L3MBTL1: variants seen among roughly 807,000 people sequenced by gnomAD.
L3MBTL1 encodes lethal(3)malignant brain tumor-like protein 1.
L3MBTL1 carries 75 observed loss-of-function variants against 105.3 expected under a neutral mutation model. That is an observed-to-expected ratio of 0.71 (90% CI 0.59 to 0.86). The LOEUF is 0.86. Among genes scored for constraint, L3MBTL1 ranks in the 40% least tolerant of loss-of-function variants. L3MBTL1 has a pLI of 0.00. For missense variants in L3MBTL1, 1,069 were observed against 1,126.4 expected (o/e 0.95, Z 0.73); for synonymous variants, 452 against 436.2 (o/e 1.04, Z -0.45).
intron 12 of L3MBTL1, 30 bp downstream of exon 12, chr20:43,532,954 G>T (rs768341982): frequency 6.8e-6 from 11 of 1,613,322 alleles, no homozygotes; most frequent in South Asian, 3.3e-5. Flanking sequence ...TTGGCCTCAG[G>T]GGGTGAGGGG....
chr20:43,537,951 G>A (rs1226528570), intron 19 of L3MBTL1, among the ~76,000 whole-genome samples: 1 of 152,168 alleles, frequency 6.6e-6, no homozygotes, highest in Non-Finnish European at 1.5e-5. Flanking sequence ...GTAAAATGCT[G>A]ATAATAATCG....
At chr20:43,546,423 G>T (rs1466929759), downstream of L3MBTL1, among the ~76,000 whole-genome samples, 1 of 152,106 alleles carries the variant, frequency 6.6e-6, no homozygotes, top group Non-Finnish European at 1.5e-5. Flanking sequence ...TCTGTAGCCT[G>T]TCTGCCTTGG....
In L3MBTL1 at chr20:43,535,875, C is replaced by G. The variant is rs376467003; in HGVS notation, c.1864C>G (p.Pro622Ala). The G allele has an allele frequency of 1.9e-6, 3 of 1,612,104 alleles. No individual in the cohort carries two copies. Among genetic ancestry groups the G allele is most frequent in the Non-Finnish European group, 2.5e-6 (3 of 1,179,132 alleles). ...EPSSASPGGC[P>A]PLSYRSLPHT... is the part of the protein sequence containing the mutation. ...CAGCTCTGCCTCCCCTGGGGGCTGT[C>G]CCCCTCTCAGCTATAGGAGCCTGCC... Residue 622 changes from proline (P) to alanine (A), a missense_variant, in exon 17 of 22, where the codon CCC (proline) becomes GCC (alanine). Physicochemically the swap from Pro to Ala is conservative, Grantham distance 27. Coordinates refer to ENST00000418998, the MANE Select transcript of L3MBTL1 (RefSeq NM_001377303.1).
chr20:43,516,363 T>C (rs1454274564), intron 7 of L3MBTL1, among the ~76,000 whole-genome samples, 186 bp downstream of exon 7: 2 of 152,200 alleles, frequency 1.3e-5, no homozygotes, highest in Non-Finnish European at 2.9e-5. Flanking sequence ...AGTGTATGTA[T>C]TTTCTTGGGA....
intron 7 of L3MBTL1, among the ~76,000 whole-genome samples, chr20:43,526,168 G>A (rs772648180): frequency 7.2e-5 from 11 of 152,176 alleles, no homozygotes; most frequent in African/African-American, 1.4e-4. Flanking sequence ...CAGCAGAGGC[G>A]CCTGAGACAA....
chr20:43,516,324 A>G, intron 7 of L3MBTL1, 147 bp downstream of exon 7: 1 of 645,374 alleles, frequency 1.5e-6, no homozygotes, highest in Non-Finnish European at 2.8e-6. Flanking sequence ...AGAGAGAGAC[A>G]GTGAGAGACT....
At chr20:43,519,031 GA>G (rs1165492242) in intron 7 of L3MBTL1, among the ~76,000 whole-genome samples, 155 of 148,396 alleles carry the variant, frequency 1.0e-3, no homozygotes, top group African/African-American at 3.4e-3. Flanking sequence ...GTCTCAGGGG[GA>G]AAAAAAAGAA....
intron 2 of L3MBTL1, 77 bp from the exon 3 acceptor site, chr20:43,513,761 C>A: frequency 1.3e-6 from 2 of 1,533,362 alleles, no homozygotes; most frequent in Non-Finnish European, 8.8e-7. Context: ...CCTTCACATG[C>A]CTACACATGC....
downstream of L3MBTL1, among the ~76,000 whole-genome samples, chr20:43,543,170 G>T (rs1464375077): frequency 2.6e-5 from 4 of 150,996 alleles, no homozygotes; most frequent in Non-Finnish European, 4.4e-5. Flanking sequence ...TTATCTGGTT[G>T]GTTTCATAGC....
chr20:43,530,768 C>A, intron 10 of L3MBTL1, 30 bp from the exon 11 acceptor site: 1 of 1,602,326 alleles, frequency 6.2e-7, no homozygotes, highest in Non-Finnish European at 8.5e-7. Context: ...CTCTGCACGG[C>A]GCTCTGTTCA....
Position 43,513,656 on chromosome 20 carries a change from T to G in L3MBTL1, c.136+17T>G. On this transcript the variant is annotated intron_variant, in intron 2 of 21. Coordinates refer to ENST00000418998, the MANE Select transcript of L3MBTL1 (RefSeq NM_001377303.1). ...TCATTCCAGGTGAGTCAAGCTAGGGTAGGAGTCTGGGAAGGAAGAGCATCT... is the reference window on the plus strand; with the variant it reads ...TCATTCCAGGTGAGTCAAGCTAGGGGAGGAGTCTGGGAAGGAAGAGCATCT... The G allele has an allele frequency of 6.5e-7, 1 of 1,550,368 alleles. No individual in the cohort carries two copies. The highest frequency in any genetic ancestry group is 1.7e-4 in the Middle Eastern group (1 of 5,992).
At position 43,535,942 on chromosome 20, in the gene L3MBTL1, T is replaced by C. The variant is rs754183786; in HGVS notation, c.1925+6T>C. 3 of 1,607,520 alleles carry C rather than the reference T, an allele frequency of 1.9e-6. No individual in the cohort carries two copies. The highest frequency in any genetic ancestry group is 2.2e-5 in the South Asian group (2 of 90,656). On this transcript the variant is annotated splice_donor_region_variant and intron_variant, in intron 17 of 21. Transcript: ENST00000418998. ...AAATACAGCTTTCACCACCGGTGAG[T>C]GAAGGTTCCTGGTGAGAGACCCTCA... is the stretch of plus-strand genomic sequence containing the variant.
downstream of L3MBTL1, among the ~76,000 whole-genome samples, chr20:43,544,577 A>G (rs2145503705): frequency 6.6e-6 from 1 of 152,272 alleles, no homozygotes; most frequent in East Asian, 1.9e-4. Flanking sequence ...TTTGCTTTGA[A>G]GAACCTGGAA....
chr20:43,524,263 T>C (rs1015300648), intron 7 of L3MBTL1, among the ~76,000 whole-genome samples: 2 of 152,246 alleles, frequency 1.3e-5, no homozygotes, highest in African/African-American at 4.8e-5. Context: ...TTCTAATATG[T>C]TTATTTAAGG....
intron 9 of L3MBTL1, 96 bp from the exon 10 acceptor site, chr20:43,530,188 C>G: frequency 6.7e-7 from 1 of 1,491,678 alleles, no homozygotes. Context: ...AGCATTAGAG[C>G]CCCTGAGACC....
In L3MBTL1 at chr20:43,515,295, A is replaced by G. The variant is rs775840279; in HGVS notation, c.657A>G (p.Ser219=). Residue 219 remains serine (S), a synonymous_variant, in exon 6 of 22, where the codon TCA becomes TCG. Transcript: ENST00000418998. Reference sequence around the variant, plus strand: ...CCTAAGGCTGGCCCTTCCTCAGGTCAGTCATAGTGGAGAACTCCTCAGGCT... The same window carrying G: ...CCTAAGGCTGGCCCTTCCTCAGGTCGGTCATAGTGGAGAACTCCTCAGGCT... ...DGCPQLFQER[S]VIVENSSGST... 1 of 1,606,666 alleles carries G rather than the reference A, an allele frequency of 6.2e-7. No homozygotes were observed. Among genetic ancestry groups the G allele is most frequent in the Non-Finnish European group, 8.5e-7 (1 of 1,176,210 alleles).
At position 43,511,057 on chromosome 20, in the gene L3MBTL1, G is replaced by A. The variant is rs369053923; in HGVS notation, c.-28-2419G>A. ...TTTTTTTGTTTTGGTTTTGGTTTTT[G>A]GTTTTTGAGATGGAGTCTTGCTCTG... On this transcript the variant is annotated intron_variant, in intron 1 of 21. Coordinates refer to ENST00000418998, the MANE Select transcript of L3MBTL1 (RefSeq NM_001377303.1). Among the ~76,000 whole-genome samples, 7 of 151,602 alleles carry A rather than the reference G, an allele frequency of 4.6e-5. No individual in the cohort carries two copies. In the East Asian group the frequency reaches 7.8e-4, roughly 17 times the overall value.
At chr20:43,517,099 C>CTT (rs1156363145) in intron 7 of L3MBTL1, among the ~76,000 whole-genome samples, 1 of 143,358 alleles carries the variant, frequency 7.0e-6, no homozygotes, top group Non-Finnish European at 1.5e-5. Flanking sequence ...GCCTGGTCGT[C>CTT]TTTTTTTTTT....
chr20:43,546,490 G>A (rs2145506700), downstream of L3MBTL1, among the ~76,000 whole-genome samples: 1 of 152,300 alleles, frequency 6.6e-6, no homozygotes, highest in South Asian at 2.1e-4. Context: ...GTTATTGTGA[G>A]GATTAACTGA....
Sources: gnomAD v4.1 joint callset for allele counts (sites outside exome capture counted in the v4.1 genomes callset) on GRCh38, gnomAD v4.1.1 for gene constraint, MANE v1.5 for transcripts, NCBI Gene and HGNC (gene_info 2026-07-23, HGNC 2026-07-21) for gene names.